Variants in LGR6 observed in about 807,000 individuals in gnomAD.
LGR6 encodes the protein leucine-rich repeat-containing G protein-coupled receptor 6.
In LGR6, 45 loss-of-function variants were observed where a neutral mutation model predicts 69.4. The ratio of observed to expected loss-of-function variants is 0.65; its 90% confidence interval spans 0.51 to 0.83. The LOEUF (loss-of-function observed/expected upper bound fraction) is 0.83. Among genes scored for constraint, LGR6 ranks in the 40% least tolerant of loss-of-function variants. The pLI, the probability that LGR6 is intolerant of heterozygous loss-of-function variation, is 0.00. For missense variants in LGR6, 1,108 were observed against 1,246.7 expected, an observed-to-expected ratio of 0.89 and a Z score of 1.68; for synonymous variants, 538 against 555.0, an observed-to-expected ratio of 0.97 and a Z score of 0.43.
At chr1:202,226,622 GCAAGCT>G (rs1660573644) in intron 2 of LGR6, among the ~76,000 whole-genome samples, 1 of 152,142 alleles carries the variant, frequency 6.6e-6, no homozygotes, top group Non-Finnish European at 1.5e-5. Flanking sequence ...TGGTAGACAG[GCAAGCT>G]CAAGGTGCTC....
intron 1 of LGR6, among the ~76,000 whole-genome samples, chr1:202,212,764 T>G (rs1012720434): frequency 1.3e-5 from 2 of 152,184 alleles, no homozygotes; most frequent in African/African-American, 4.8e-5. Flanking sequence ...AAGATCATAT[T>G]CACAGGTTCC....
At chr1:202,298,943 T>C (rs1571992419) in intron 7 of LGR6, among the ~76,000 whole-genome samples, 5 of 151,698 alleles carry the variant, frequency 3.3e-5, no homozygotes, top group South Asian at 2.1e-4. Context: ...AGGCAGCACA[T>C]AGGGGACAAC....
chr1:202,298,203 G>T (rs182211158), intron 7 of LGR6, among the ~76,000 whole-genome samples: 5 of 152,190 alleles, frequency 3.3e-5, no homozygotes, highest in Non-Finnish European at 7.3e-5. Context: ...AACTTGCAGA[G>T]TATTAGCTAA....
intron 7 of LGR6, among the ~76,000 whole-genome samples, chr1:202,300,235 C>T (rs1667482662): frequency 6.6e-6 from 1 of 152,242 alleles, no homozygotes; most frequent in Non-Finnish European, 1.5e-5. Context: ...GGATTCCCTT[C>T]CTGGGGTCTG....
chr1:202,193,936 C>G lies in LGR6; in HGVS notation c.-54C>G. 1.7e-6 allele frequency: 2 copies of G among 1,166,258 alleles called. No individual in the cohort carries two copies. Among genetic ancestry groups the G allele is most frequent in the Non-Finnish European group, 2.2e-6 (2 of 915,542 alleles). The allele number at this position is 1,166,258 out of a possible 1,614,324, so 72.2% of individuals were successfully genotyped here. A position where few individuals can be genotyped will look rare whatever the true frequency, so the allele number is the denominator to read the frequency against. On this transcript the variant is annotated 5_prime_UTR_variant, in exon 1 of 18. It adds an upstream start codon to the 5' untranslated region. Transcript: ENST00000367278. Reference sequence around the variant, plus strand: ...ACCGGGAGGAAGCAGCTGCGGCCATCGCGCCGTGCGTCCGCGCCCGGCCGC... The same window carrying G: ...ACCGGGAGGAAGCAGCTGCGGCCATGGCGCCGTGCGTCCGCGCCCGGCCGC...
intron 1 of LGR6, among the ~76,000 whole-genome samples, chr1:202,213,650 G>C (rs1339361719): frequency 6.6e-6 from 1 of 152,214 alleles, no homozygotes; most frequent in East Asian, 1.9e-4. Flanking sequence ...TGCAGGTGAG[G>C]AGAGGGATGT....
rs1019382792 is a variant in LGR6 at position 202,288,818 on chromosome 1, C to A, written c.716+7966C>A. Among the ~76,000 whole-genome samples, 7 of 152,334 alleles carry A rather than the reference C, an allele frequency of 4.6e-5. No homozygotes were observed. The East Asian group carries it at 1.2e-3, about 25-fold the overall frequency. On this transcript the variant is annotated intron_variant, in intron 6 of 17. Coordinates refer to ENST00000367278, the MANE Select transcript of LGR6 (RefSeq NM_001017403.2). ...GTTGTTCAGAACTGCAAGACCCCAG[C>A]TTTTGACCAACAGGTCCAAGTCTCT...
At chr1:202,244,697 A>G (rs939149001) in intron 4 of LGR6, among the ~76,000 whole-genome samples, 15 of 151,988 alleles carry the variant, frequency 9.9e-5, no homozygotes, top group Admixed American at 5.9e-4. Context: ...TACATTTGCA[A>G]AGGCCCCTTT....
chr1:202,302,382 T>A (rs1233195920), intron 9 of LGR6, among the ~76,000 whole-genome samples: 1 of 152,158 alleles, frequency 6.6e-6, no homozygotes, highest in Non-Finnish European at 1.5e-5. Flanking sequence ...CTGGGCTCAT[T>A]TCTGGACCCC....
At position 202,246,062 on chromosome 1, in the gene LGR6, C is replaced by T. The variant is rs1011856486; in HGVS notation, c.428+10069C>T. Among the ~76,000 whole-genome samples, 89 of 132,114 alleles carry T rather than the reference C, an allele frequency of 6.7e-4. 2 individuals are homozygous for T. Among genetic ancestry groups the T allele is most frequent in the Non-Finnish European group, 1.1e-3 (67 of 61,210 alleles). 86.7% of individuals were successfully genotyped at this position (132,114 alleles called of 152,430 possible). A position where few individuals can be genotyped will look rare whatever the true frequency, so the allele number is the denominator to read the frequency against. ...CCATCCATCCATTCATCCATCCCTC[C>T]CTCCCTTCATCTATCCATTCATCCA... is the stretch of plus-strand genomic sequence containing the variant. On this transcript the variant is annotated intron_variant, in intron 4 of 17. Coordinates refer to ENST00000367278, the MANE Select transcript of LGR6 (RefSeq NM_001017403.2).
chr1:202,307,086 C>A, intron 13 of LGR6, 147 bp downstream of exon 13: 1 of 764,486 alleles, frequency 1.3e-6, no homozygotes, highest in South Asian at 1.6e-5. Context: ...CCCCAGCACA[C>A]ACACACACTT....
rs373578794 is a variant in LGR6 at position 202,318,307 on chromosome 1, C to T, written c.2004C>T (p.Ser668=). The T allele has an allele frequency of 2.3e-5, 36 of 1,592,792 alleles. No homozygotes were observed. Among genetic ancestry groups the T allele is most frequent in the South Asian group, 3.4e-5 (3 of 87,548 alleles). ...TCACTCTGGCCGCAGTGCAGTGCAG[C>T]GTCTCCGTCTCCTGTGTCCGGGCCT... ...LLLTLAAVQC[S]VSVSCVRAYG... is the part of the protein sequence containing the mutation. Residue 668 remains serine (S), a synonymous_variant, in exon 18 of 18, where the codon AGC becomes AGT. Transcript: ENST00000367278.
chr1:202,277,258 C>T (rs925467748), intron 5 of LGR6, among the ~76,000 whole-genome samples: 3 of 152,172 alleles, frequency 2.0e-5, no homozygotes, highest in African/African-American at 7.2e-5. Flanking sequence ...CCCACGCCCC[C>T]CGCTTTTGAA....
At chr1:202,303,223 C>A in intron 9 of LGR6, 56 bp from the exon 10 acceptor site, 1 of 1,289,410 alleles carries the variant, frequency 7.8e-7, no homozygotes, top group Admixed American at 1.7e-5. Context: ...AATTGAGAGT[C>A]TTGATGTTGA....
chr1:202,286,853 TCCC>T, intron 6 of LGR6, among the ~76,000 whole-genome samples: 1 of 152,294 alleles, frequency 6.6e-6, no homozygotes, highest in East Asian at 1.9e-4. Context: ...TAATAGTTCT[TCCC>T]AGCACAACAT....
intron 1 of LGR6, among the ~76,000 whole-genome samples, chr1:202,199,089 T>C (rs1244469115): frequency 1.3e-5 from 2 of 152,078 alleles, no homozygotes; most frequent in Non-Finnish European, 2.9e-5. Context: ...AGCCATGTTT[T>C]GGATGAAAAA....
chr1:202,277,160 ATAATTGC>A (rs757288960), intron 5 of LGR6, among the ~76,000 whole-genome samples: 3 of 152,198 alleles, frequency 2.0e-5, no homozygotes, highest in African/African-American at 7.2e-5. Context: ...GAGGTCATGT[ATAATTGC>A]TTTGGGTTAC....
chr1:202,238,802 T>C (rs1172878218), intron 4 of LGR6, among the ~76,000 whole-genome samples: 2 of 151,442 alleles, frequency 1.3e-5, no homozygotes, highest in African/African-American at 4.9e-5. Context: ...ATGAATCAGG[T>C]GAAGAGGCGG....
At chr1:202,242,397 T>C (rs1042399950) in intron 4 of LGR6, among the ~76,000 whole-genome samples, 1 of 152,140 alleles carries the variant, frequency 6.6e-6, no homozygotes, top group Non-Finnish European at 1.5e-5. Context: ...GCTCTATCAC[T>C]AGCTACGAGG....
Sources: gnomAD v4.1 joint callset for allele counts (sites outside exome capture counted in the v4.1 genomes callset) on GRCh38, gnomAD v4.1.1 for gene constraint, MANE v1.5 for transcripts, NCBI Gene and HGNC (gene_info 2026-07-23, HGNC 2026-07-21) for gene names.